PRDM5: variants seen among roughly 807,000 people sequenced by gnomAD.
PRDM5 encodes PR domain zinc finger protein 5.
PRDM5 carries 56 observed loss-of-function variants against 81.2 expected under a neutral mutation model. That is an observed-to-expected ratio of 0.69 (90% CI 0.56 to 0.86). PRDM5 has a LOEUF of 0.86. Among genes scored for constraint, PRDM5 ranks in the 40% least tolerant of loss-of-function variants. The pLI, the probability that PRDM5 is intolerant of heterozygous loss-of-function variation, is 0.00. For missense variants in PRDM5, 697 were observed against 770.1 expected (o/e 0.91, Z 1.12); for synonymous variants, 267 against 256.4 (o/e 1.04, Z -0.39).
intron 3 of PRDM5, among the ~76,000 whole-genome samples, chr4:120,824,240 C>T (rs1755666153): frequency 6.6e-6 from 1 of 152,192 alleles, no homozygotes; most frequent in African/African-American, 2.4e-5. Context: ...TTACTGTTAG[C>T]CTAGCAATAA....
At chr4:120,752,449 A>G (rs568122845) in intron 14 of PRDM5, among the ~76,000 whole-genome samples, 24 of 152,268 alleles carry the variant, frequency 1.6e-4, no homozygotes, top group East Asian at 7.7e-4. Context: ...AACTCTCTTG[A>G]GTTCCCTTAG....
intron 1 of PRDM5, among the ~76,000 whole-genome samples, chr4:120,919,070 A>T (rs1259810522): frequency 2.0e-5 from 3 of 152,024 alleles, no homozygotes; most frequent in African/African-American, 7.2e-5. Flanking sequence ...CTTCCTAGAG[A>T]ATCTCCTGGC....
chr4:120,783,423 A>C (rs1449090742), intron 11 of PRDM5, among the ~76,000 whole-genome samples: 1 of 152,074 alleles, frequency 6.6e-6, no homozygotes, highest in Non-Finnish European at 1.5e-5. Flanking sequence ...CCTATTTCTC[A>C]AGTGAATGAG....
At chr4:120,871,338 C>G (rs955973514) in intron 2 of PRDM5, among the ~76,000 whole-genome samples, 1 of 152,188 alleles carries the variant, frequency 6.6e-6, no homozygotes. Context: ...CACTGACTGA[C>G]AGGTCACAGC....
intron 8 of PRDM5, among the ~76,000 whole-genome samples, 200 bp downstream of exon 8, chr4:120,811,170 A>G (rs1753784280): frequency 7.5e-6 from 1 of 133,210 alleles, no homozygotes; most frequent in South Asian, 2.2e-4. Flanking sequence ...AACAAGAGCA[A>G]AAATTAAAAC....
Position 120,849,608 on chromosome 4 carries a change from T to C in PRDM5, c.300+3810A>G, listed in dbSNP as rs1267033354. Among the ~76,000 whole-genome samples the C allele has an allele frequency of 2.0e-5, 3 of 152,072 alleles. No individual in the cohort carries two copies. The East Asian group carries it at 5.8e-4, about 29-fold the overall frequency. On this transcript the variant is annotated intron_variant, in intron 3 of 15. Coordinates refer to ENST00000264808, the MANE Select transcript of PRDM5 (RefSeq NM_018699.4). ...GTCACAGAAAAGACATGCCTGAAAATATGGGCTTAAGAATATGAGATGTAG... is the reference window on the plus strand; with the variant it reads ...GTCACAGAAAAGACATGCCTGAAAACATGGGCTTAAGAATATGAGATGTAG...
intron 13 of PRDM5, among the ~76,000 whole-genome samples, chr4:120,756,173 A>G (rs1021001002): frequency 1.3e-5 from 2 of 152,182 alleles, no homozygotes; most frequent in African/African-American, 4.8e-5. Context: ...TTTAACCCTG[A>G]GTTGATAACA....
intron 14 of PRDM5, among the ~76,000 whole-genome samples, chr4:120,727,674 G>A (rs1172961617): frequency 6.6e-6 from 1 of 152,078 alleles, no homozygotes; most frequent in African/African-American, 2.4e-5. Context: ...GGTGGCTCAC[G>A]CATGTAATCC....
intron 1 of PRDM5, among the ~76,000 whole-genome samples, chr4:120,908,231 A>G (rs529125232): frequency 3.9e-5 from 6 of 152,228 alleles, no homozygotes; most frequent in Non-Finnish European, 8.8e-5. Context: ...GGACATGTTC[A>G]ATGGGCAAGT....
intron 1 of PRDM5, among the ~76,000 whole-genome samples, chr4:120,917,529 G>C (rs1017692975): frequency 1.3e-5 from 2 of 151,960 alleles, no homozygotes; most frequent in Non-Finnish European, 2.9e-5. Context: ...CCAAGAGCCA[G>C]AATACCTATT....
intron 2 of PRDM5, among the ~76,000 whole-genome samples, chr4:120,866,801 T>C (rs1447673765): frequency 6.6e-6 from 1 of 152,182 alleles, no homozygotes. Context: ...CTTTGTATAA[T>C]GCCTTCCCAT....
At chr4:120,719,752 T>C (rs1250218013) in intron 14 of PRDM5, among the ~76,000 whole-genome samples, 2 of 152,310 alleles carry the variant, frequency 1.3e-5, no homozygotes, top group African/African-American at 4.8e-5. Context: ...TGGGGCTACT[T>C]GGGGATTCAT....
chr4:120,908,782 T>A (rs922103353), intron 1 of PRDM5, among the ~76,000 whole-genome samples: 5 of 152,334 alleles, frequency 3.3e-5, no homozygotes, highest in Admixed American at 2.0e-4. Context: ...TCACTATTCA[T>A]AACATTAGAA....
intron 8 of PRDM5, among the ~76,000 whole-genome samples, chr4:120,807,011 A>G (rs965482071): frequency 2.0e-5 from 3 of 152,214 alleles, no homozygotes; most frequent in African/African-American, 4.8e-5. Flanking sequence ...AAGAAAAAAA[A>G]CAAACAACCC....
chr4:120,906,495 C>T (rs1765810009), intron 2 of PRDM5, among the ~76,000 whole-genome samples: 1 of 152,200 alleles, frequency 6.6e-6, no homozygotes. Flanking sequence ...GTAACACATG[C>T]ATATATAATT....
At chr4:120,823,895 G>A (rs930561500) in intron 3 of PRDM5, among the ~76,000 whole-genome samples, 2 of 152,202 alleles carry the variant, frequency 1.3e-5, no homozygotes, top group Non-Finnish European at 2.9e-5. Flanking sequence ...ACATGGCTTA[G>A]TGCCGTTCTC....
At chr4:120,700,551 C>G (rs1735191836) in intron 15 of PRDM5, among the ~76,000 whole-genome samples, 1 of 152,040 alleles carries the variant, frequency 6.6e-6, no homozygotes, top group Non-Finnish European at 1.5e-5. Flanking sequence ...CAAACTGTAT[C>G]CAACAGTTCT....
chr4:120,771,561 CAT>C (rs1387419150), intron 13 of PRDM5, among the ~76,000 whole-genome samples: 1 of 152,050 alleles, frequency 6.6e-6, no homozygotes, highest in Non-Finnish European at 1.5e-5. Flanking sequence ...AAGAAAATTC[CAT>C]GATTTTAAGT....
intron 3 of PRDM5, among the ~76,000 whole-genome samples, chr4:120,833,631 G>A (rs548251914): frequency 3.5e-4 from 53 of 152,226 alleles, no homozygotes; most frequent in Non-Finnish European, 6.6e-4. Context: ...ACTTCAAACT[G>A]CAAAAATTAT....
Sources: gnomAD v4.1 joint callset for allele counts (sites outside exome capture counted in the v4.1 genomes callset) on GRCh38, gnomAD v4.1.1 for gene constraint, MANE v1.5 for transcripts, NCBI Gene and HGNC (gene_info 2026-07-23, HGNC 2026-07-21) for gene names.